The following HIVEP1 variants were observed in gnomAD, a reference collection of about 807,000 sequenced individuals.
HIVEP1 encodes HIVEP zinc finger 1.
Under a neutral mutation model 180.0 loss-of-function variants are expected in HIVEP1, and 36 were observed. The ratio of observed to expected loss-of-function variants is 0.20; its 90% confidence interval spans 0.15 to 0.26. HIVEP1 has a LOEUF of 0.26. Among genes scored for constraint, HIVEP1 ranks in the 10% least tolerant of loss-of-function variants. The pLI, the probability that HIVEP1 is intolerant of heterozygous loss-of-function variation, is 1.00. For synonymous variants in HIVEP1, 1,239 were observed against 1,239.0 expected (o/e 1.00, Z 0.00); for missense variants, 3,143 against 3,268.7 (o/e 0.96, Z 0.94).
intron 7 of HIVEP1, among the ~76,000 whole-genome samples, chr6:12,159,038 A>T (rs1300299207): frequency 6.6e-6 from 1 of 152,084 alleles, no homozygotes; most frequent in African/African-American, 2.4e-5. Flanking sequence ...CTCTAACCAG[A>T]TACTTGAGCG....
chr6:12,055,271 G>A (rs548894979), intron 2 of HIVEP1, among the ~76,000 whole-genome samples: 3 of 152,208 alleles, frequency 2.0e-5, no homozygotes, highest in South Asian at 2.1e-4. Flanking sequence ...TCAGGAGATC[G>A]AGACCATCCT....
Position 12,163,626 on chromosome 6 carries a change from A to G in HIVEP1, c.7322A>G (p.His2441Arg), listed in dbSNP as rs1040220885. Residue 2441 changes from histidine (H) to arginine (R), a missense_variant, in exon 9 of 9, where the codon CAT becomes CGT. Around this residue, in one of 12 missense-constraint regions of HIVEP1, gnomAD observed 595 missense variants for 602.2 expected, o/e 0.99. Coordinates refer to ENST00000379388, the MANE Select transcript of HIVEP1 (RefSeq NM_002114.4). ...VSVVHRTLGT[H>R]RNTVTEVSGT... Reference sequence around the variant, plus strand: ...GTCGTTCACAGAACTTTGGGTACTCATAGGAATACGGTCACAGAAGTGTCT... The same window carrying G: ...GTCGTTCACAGAACTTTGGGTACTCGTAGGAATACGGTCACAGAAGTGTCT... 2.5e-6 allele frequency: 4 copies of G among 1,614,144 alleles called. No individual in the cohort carries two copies. In the Admixed American group the frequency reaches 5.0e-5, roughly 20 times the overall value.
chr6:12,120,676 C>G lies in HIVEP1; in HGVS notation c.881C>G (p.Ser294Cys). 1 of 1,614,204 alleles carries G rather than the reference C, an allele frequency of 6.2e-7. No individual in the cohort carries two copies. Among genetic ancestry groups the G allele is most frequent in the Non-Finnish European group, 8.5e-7 (1 of 1,180,046 alleles). The change falls in exon 4 of 9, where the codon TCC becomes TGC. Residue 294 changes from serine to cysteine, a missense_variant. Transcript: ENST00000379388. The part of the protein sequence containing the change: ...YHQHEHFVPK[S>C]NQHNQQLPGC... Reference sequence around the variant, plus strand: ...CAACATGAACACTTTGTTCCCAAATCCAACCAACATAATCAACAGCTTCCG... The same window carrying G: ...CAACATGAACACTTTGTTCCCAAATGCAACCAACATAATCAACAGCTTCCG...
chr6:12,198,701 A>G, the HIVEP1 span, among the ~76,000 whole-genome samples: 3 of 152,214 alleles, frequency 2.0e-5, no homozygotes, highest in African/African-American at 7.2e-5. Flanking sequence ...GTGATTAAGG[A>G]AGAATTTCCT....
the HIVEP1 span, among the ~76,000 whole-genome samples, chr6:12,178,229 CTT>C: frequency 2.6e-5 from 4 of 152,314 alleles, no homozygotes; most frequent in East Asian, 7.7e-4. Context: ...TCCTCCAAAA[CTT>C]ATTTCAATTA....
chr6:12,166,351 A>G (rs538833405), downstream of HIVEP1, among the ~76,000 whole-genome samples: 5 of 152,324 alleles, frequency 3.3e-5, no homozygotes, highest in African/African-American at 9.6e-5. Context: ...AAAAATTCCT[A>G]TACTTAAAGA....
chr6:12,107,346 G>A (rs1012910808), intron 3 of HIVEP1, among the ~76,000 whole-genome samples: 2 of 152,206 alleles, frequency 1.3e-5, no homozygotes, highest in African/African-American at 4.8e-5. Context: ...TGCCAAAAAT[G>A]TGAATGATCA....
intron 2 of HIVEP1, among the ~76,000 whole-genome samples, chr6:12,041,025 G>T (rs769310347): frequency 6.6e-6 from 1 of 152,160 alleles, no homozygotes; most frequent in African/African-American, 2.4e-5. Flanking sequence ...ATGAGATTTG[G>T]GTTGGGACAA....
chr6:12,129,324 T>C lies in HIVEP1; in HGVS notation c.6076-435T>C, dbSNP rs1195204301. 3.3e-5 allele frequency among the ~76,000 whole-genome samples: 5 copies of C among 152,258 alleles called. No homozygotes were observed. In the East Asian group the frequency reaches 9.6e-4, roughly 29 times the overall value. ...GAAGGAGACTTAATGATGTTTCTAA[T>C]GGGTATGAGGCATTATTTTACCAAA... On this transcript the variant is annotated intron_variant, in intron 4 of 8. Transcript: ENST00000379388.
chr6:12,175,925 G>C, the HIVEP1 span, among the ~76,000 whole-genome samples: 1 of 152,136 alleles, frequency 6.6e-6, no homozygotes, highest in African/African-American at 2.4e-5. Context: ...GTCACAGAGA[G>C]GAGTGATCTT....
intron 7 of HIVEP1, among the ~76,000 whole-genome samples, chr6:12,146,856 A>G (rs1045069559): frequency 2.4e-4 from 36 of 151,884 alleles, no homozygotes; most frequent in Non-Finnish European, 2.6e-4. Flanking sequence ...GCTGATTACT[A>G]TGATGTGGCA....
At chr6:12,160,086 AC>A (rs1388048941) in intron 7 of HIVEP1, among the ~76,000 whole-genome samples, 1 of 152,230 alleles carries the variant, frequency 6.6e-6, no homozygotes, top group Non-Finnish European at 1.5e-5. Context: ...TCACAGCTAA[AC>A]TGTACATTGT....
chr6:12,129,254 A>G (rs1377544270), intron 4 of HIVEP1, among the ~76,000 whole-genome samples: 2 of 152,226 alleles, frequency 1.3e-5, no homozygotes, highest in Non-Finnish European at 2.9e-5. Context: ...AAAGTAAAAT[A>G]TTGGGAAATG....
At chr6:12,201,528 T>G in the HIVEP1 span, among the ~76,000 whole-genome samples, 91 of 152,194 alleles carry the variant, frequency 6.0e-4, no homozygotes, top group African/African-American at 1.8e-3. Context: ...TTTTTGAACA[T>G]GTATAAGGCA....
intron 2 of HIVEP1, among the ~76,000 whole-genome samples, chr6:12,029,082 T>C (rs1768767967): frequency 6.6e-6 from 1 of 152,390 alleles, no homozygotes; most frequent in Admixed American, 6.5e-5. Context: ...ACTGATTGTA[T>C]TGATTCATTC....
intron 2 of HIVEP1, among the ~76,000 whole-genome samples, chr6:12,017,642 C>G (rs1442447870): frequency 7.2e-6 from 1 of 139,730 alleles, no homozygotes; most frequent in Non-Finnish European, 1.6e-5. Flanking sequence ...TTACAGAGAG[C>G]TGATTGGTCC....
intron 2 of HIVEP1, among the ~76,000 whole-genome samples, chr6:12,071,296 GT>G (rs112403362): frequency 0.017 from 2,643 of 152,268 alleles, 76 homozygotes; most frequent in African/African-American, 0.061. Context: ...CTCCTTGATA[GT>G]GGGGGGCTGG....
At chr6:12,011,594 A>G (rs1581475913), upstream of HIVEP1, among the ~76,000 whole-genome samples, 1 of 104,798 alleles carries the variant, frequency 9.5e-6, no homozygotes, top group Non-Finnish European at 2.0e-5. Context: ...CTGCGCTGCC[A>G]CCTCCTCCCG....
intron 2 of HIVEP1, among the ~76,000 whole-genome samples, chr6:12,075,814 G>A (rs1030821584): frequency 6.6e-5 from 10 of 152,028 alleles, no homozygotes; most frequent in African/African-American, 2.4e-4. Context: ...AGCTCCAAAC[G>A]ATAAGGGATA....
Sources: gnomAD v4.1 joint callset for allele counts (sites outside exome capture counted in the v4.1 genomes callset) on GRCh38, gnomAD v4.1.1 for gene constraint, gnomAD v4.1.1 regional missense constraint, MANE v1.5 for transcripts, NCBI Gene and HGNC (gene_info 2026-07-23, HGNC 2026-07-21) for gene names.